KNTC1: variants seen among roughly 807,000 people sequenced by gnomAD.
KNTC1 encodes the protein kinetochore-associated protein 1.
Under a neutral mutation model 314.4 loss-of-function variants are expected in KNTC1, and 253 were observed. The ratio of observed to expected loss-of-function variants is 0.80; its 90% confidence interval spans 0.73 to 0.89. KNTC1 has a LOEUF of 0.89. KNTC1 is among the 40% of genes least tolerant of loss of function. The pLI is 0.00. For synonymous variants in KNTC1, 901 were observed against 901.4 expected, an observed-to-expected ratio of 1.00 and a Z score of 0.01; for missense variants, 2,475 against 2,572.9, an observed-to-expected ratio of 0.96 and a Z score of 0.82.
chr12:122,530,682 C>G (rs1961241981), intron 2 of KNTC1, among the ~76,000 whole-genome samples: 1 of 152,004 alleles, frequency 6.6e-6, no homozygotes. Context: ...AACTCCTGGC[C>G]TCAAGAAATC....
intron 22 of KNTC1, 34 bp downstream of exon 22, chr12:122,569,858 CT>C (rs1245235524): frequency 1.3e-6 from 2 of 1,572,334 alleles, no homozygotes; most frequent in African/African-American, 2.7e-5. Context: ...CTCTTGATGA[CT>C]TTATTTCATT....
intron 2 of KNTC1, among the ~76,000 whole-genome samples, chr12:122,531,368 C>T (rs1961306223): frequency 1.3e-5 from 2 of 151,934 alleles, no homozygotes; most frequent in East Asian, 3.9e-4. Context: ...CACCATGCTA[C>T]TAAAAATTTT....
At chr12:122,574,660 G>C (rs1964904417) in intron 27 of KNTC1, among the ~76,000 whole-genome samples, 1 of 151,986 alleles carries the variant, frequency 6.6e-6, no homozygotes, top group Admixed American at 6.6e-5. Context: ...GGTTTCCCAG[G>C]CTGGTCTTGA....
In KNTC1 at chr12:122,607,255, G is replaced by A. The variant is rs554923886; in HGVS notation, c.5496+1840G>A. On this transcript the variant is annotated intron_variant, in intron 51 of 63. Transcript: ENST00000333479. ...ATTTTTGTACTTTTAGTAGAGATGG[G>A]GTTTCACCATGTTGGCCGGGCTGGT... 6.8e-4 allele frequency among the ~76,000 whole-genome samples: 104 copies of A among 152,234 alleles called. 1 individual carries two copies. In the South Asian group the frequency reaches 0.021, roughly 31 times the overall value.
intron 53 of KNTC1, chr12:122,611,305 A>T (rs1873087806): frequency 6.2e-6 from 1 of 161,196 alleles, no homozygotes; most frequent in South Asian, 1.9e-4. Flanking sequence ...TTGAACTTGC[A>T]ATTTCCCCTA....
intron 16 of KNTC1, 100 bp downstream of exon 16, chr12:122,551,796 A>T: frequency 1.2e-6 from 1 of 858,760 alleles, no homozygotes; most frequent in Non-Finnish European, 1.9e-6. Flanking sequence ...ATTTAGTGTG[A>T]TTAAGGCTGT....
At chr12:122,598,901 C>G (rs1871432546) in intron 44 of KNTC1, among the ~76,000 whole-genome samples, 1 of 151,808 alleles carries the variant, frequency 6.6e-6, no homozygotes, top group South Asian at 2.1e-4. Flanking sequence ...CCTTGACCTC[C>G]TGGGCTCAAG....
chr12:122,609,048 G>T, intron 51 of KNTC1: 1 of 249,616 alleles, frequency 4.0e-6, no homozygotes, highest in Non-Finnish European at 7.6e-6. Flanking sequence ...GACAGAGCAA[G>T]ATCCTGTCTC....
Position 122,570,776 on chromosome 12 carries a change from A to G in KNTC1, c.1861-100A>G, listed in dbSNP as rs1018240980. 6 of 837,590 alleles carry G rather than the reference A, an allele frequency of 7.2e-6. No homozygotes were observed. In the African/African-American group the frequency reaches 1.0e-4, roughly 14 times the overall value. 51.9% of individuals were successfully genotyped at this position (837,590 alleles called of 1,614,324 possible). A position where few individuals can be genotyped will look rare whatever the true frequency, so the allele number is the denominator to read the frequency against. ...ACAATCGTGGATAAGAGGTTTATGG[A>G]CAAAATAAATATTTAAAGGAAAAAA... is the stretch of plus-strand genomic sequence containing the variant. On this transcript the variant is annotated intron_variant, in intron 22 of 63. Transcript: ENST00000333479.
At chr12:122,624,720 C>G in intron 63 of KNTC1, 32 bp downstream of exon 63, 1 of 1,484,190 alleles carries the variant, frequency 6.7e-7, no homozygotes, top group Non-Finnish European at 9.4e-7. Context: ...TAGGTTCTAA[C>G]TTGACATTGT....
intron 55 of KNTC1, 64 bp from the exon 56 acceptor site, chr12:122,614,927 C>A: frequency 8.4e-7 from 1 of 1,188,518 alleles, no homozygotes; most frequent in South Asian, 1.4e-5. Flanking sequence ...CCCTACTTTT[C>A]CAAAGATGGC....
At chr12:122,592,764 T>C (rs993551147) in intron 42 of KNTC1, 1 of 152,266 alleles carries the variant, frequency 6.6e-6, no homozygotes, top group South Asian at 2.1e-4. Context: ...ATCAGCAGGA[T>C]GTGGGTGGGG....
chr12:122,544,352 A>G, intron 8 of KNTC1, 83 bp downstream of exon 8: 1 of 703,694 alleles, frequency 1.4e-6, no homozygotes, highest in East Asian at 2.8e-5. Context: ...AAATTGCAAA[A>G]TAATTTGTAA....
At chr12:122,598,246 G>T (rs1004916715) in intron 44 of KNTC1, among the ~76,000 whole-genome samples, 2 of 152,096 alleles carry the variant, frequency 1.3e-5, no homozygotes, top group African/African-American at 2.4e-5. Flanking sequence ...AGATGAAGAT[G>T]TTAATAGTGT....
rs1403750509 is a variant in KNTC1, at chr12:122,584,261, C to G, written c.3264-17C>G. The G allele has an allele frequency of 1.3e-6, 2 of 1,589,380 alleles. No individual in the cohort carries two copies. The highest frequency in any genetic ancestry group is 1.7e-6 in the Non-Finnish European group (2 of 1,162,530). On this transcript the variant is annotated splice_polypyrimidine_tract_variant and intron_variant, in intron 34 of 63. Coordinates refer to ENST00000333479, the MANE Select transcript of KNTC1 (RefSeq NM_014708.6). ...AATGTGAGTATTCTAACTACCAATA[C>G]TTTCTTTCTTCCAAAGCGACTTGTT...
rs372587320 is a variant in KNTC1, at chr12:122,587,860, A to G, written c.3880A>G (p.Thr1294Ala). The G allele has an allele frequency of 6.2e-7, 1 of 1,613,520 alleles. No homozygotes were observed. The highest frequency in any genetic ancestry group is 1.7e-4 in the Middle Eastern group (1 of 6,058). Residue 1294 changes from threonine to alanine, a missense_variant, in exon 39 of 64, where the codon ACT becomes GCT. Thr to Ala is a moderately conservative substitution (Grantham distance 58). Coordinates refer to ENST00000333479, the MANE Select transcript of KNTC1 (RefSeq NM_014708.6). ...CTCTGTGTCAAACTTCATGAATGCC[A>G]CTTTGAGTGAAAAGGTATAGTGTCA... The part of the protein sequence containing the change: ...QHSVSNFMNA[T>A]LSEKLFGETT...
At chr12:122,569,973 T>G (rs1964582337) in intron 22 of KNTC1, 149 bp downstream of exon 22, 1 of 639,768 alleles carries the variant, frequency 1.6e-6, no homozygotes, top group African/African-American at 1.8e-5. Context: ...AAGACAACTG[T>G]GATTCAGAAG....
chr12:122,533,181 T>C lies in KNTC1; in HGVS notation c.130-1483T>C, dbSNP rs187937693. On this transcript the variant is annotated intron_variant, in intron 2 of 63. Transcript: ENST00000333479. ...GTGCCGTTCCTTTTCTTTTTTTTTT[T>C]TTTGAGGCAGAGTCTTGCTCTGTTG... is the stretch of plus-strand genomic sequence containing the variant. Among the ~76,000 whole-genome samples the C allele has an allele frequency of 1.8e-4, 28 of 152,098 alleles. No homozygotes were observed. The East Asian group carries it at 5.2e-3, about 28-fold the overall frequency.
At chr12:122,530,537 G>C (rs924248826) in intron 2 of KNTC1, among the ~76,000 whole-genome samples, 2 of 149,466 alleles carry the variant, frequency 1.3e-5, no homozygotes, top group African/African-American at 2.5e-5. Context: ...TGCAATCTCT[G>C]ACTCCCAGAT....
Sources: gnomAD v4.1 joint callset for allele counts (sites outside exome capture counted in the v4.1 genomes callset) on GRCh38, gnomAD v4.1.1 for gene constraint, MANE v1.5 for transcripts, NCBI Gene and HGNC (gene_info 2026-07-23, HGNC 2026-07-21) for gene names.